Variants in RFFL observed in about 807,000 individuals in gnomAD.
The protein encoded by RFFL is E3 ubiquitin-protein ligase rififylin.
RFFL carries 16 observed loss-of-function variants against 40.4 expected under a neutral mutation model. That is an observed-to-expected ratio of 0.40 (90% CI 0.27 to 0.60). RFFL has a LOEUF of 0.60. Ranked by LOEUF, RFFL falls within the 20% of genes least tolerant of loss-of-function variation. RFFL has a pLI of 0.47. For synonymous variants in RFFL, 154 were observed against 167.9 expected (o/e 0.92, Z 0.64); for missense variants, 367 against 451.7 (o/e 0.81, Z 1.70).
intron 1 of RFFL, among the ~76,000 whole-genome samples, chr17:35,056,770 G>A (rs558295726): frequency 1.3e-5 from 2 of 152,302 alleles, no homozygotes; most frequent in South Asian, 4.1e-4. Context: ...CAAGAAGGGA[G>A]ACAAACACTT....
At chr17:35,087,215 G>T (rs2091435263) in intron 1 of RFFL, among the ~76,000 whole-genome samples, 1 of 152,062 alleles carries the variant, frequency 6.6e-6, no homozygotes, top group Admixed American at 6.6e-5. Context: ...GCTGGGTGTG[G>T]TTGCACATGC....
intron 1 of RFFL, among the ~76,000 whole-genome samples, chr17:35,084,503 C>T (rs368683576): frequency 2.1e-4 from 32 of 151,930 alleles, no homozygotes; most frequent in African/African-American, 7.7e-4. Flanking sequence ...CTGAGGCAGG[C>T]ACATCACTTG....
At chr17:35,028,042 AAAG>A (rs2091055268) in intron 1 of RFFL, among the ~76,000 whole-genome samples, 1 of 151,182 alleles carries the variant, frequency 6.6e-6, no homozygotes, top group African/African-American at 2.4e-5. Flanking sequence ...TCAAAAAAAA[AAAG>A]AAGCGTTGGC....
At chr17:35,029,426 C>T (rs1343404530) in intron 1 of RFFL, among the ~76,000 whole-genome samples, 2 of 150,358 alleles carry the variant, frequency 1.3e-5, no homozygotes, top group Admixed American at 1.3e-4. Context: ...TCACTGAAAC[C>T]GCCGCCTCCC....
chr17:35,030,476 T>C (rs889473665), intron 1 of RFFL, among the ~76,000 whole-genome samples: 36 of 152,202 alleles, frequency 2.4e-4, no homozygotes, highest in African/African-American at 8.4e-4. Context: ...GTGTTTTTTG[T>C]ATTTTTAGTA....
chr17:35,071,397 C>G (rs2091350079), intron 1 of RFFL, among the ~76,000 whole-genome samples: 1 of 151,300 alleles, frequency 6.6e-6, no homozygotes, highest in African/African-American at 2.4e-5. Flanking sequence ...GTGGGCAGAT[C>G]ACTTGAGGTC....
chr17:35,060,805 A>ACTCT (rs889464319), intron 1 of RFFL, among the ~76,000 whole-genome samples: 1 of 152,122 alleles, frequency 6.6e-6, no homozygotes, highest in Non-Finnish European at 1.5e-5. Context: ...CACGTCAGCC[A>ACTCT]CTCTCTCTGA....
intron 3 of RFFL, among the ~76,000 whole-genome samples, chr17:35,019,545 TG>T (rs1311438078): frequency 6.6e-6 from 1 of 151,612 alleles, no homozygotes; most frequent in Admixed American, 6.6e-5. Flanking sequence ...AGCTAATTTT[TG>T]TATTTTTTGT....
At chr17:35,029,762 A>G (rs568268485) in intron 1 of RFFL, among the ~76,000 whole-genome samples, 30 of 151,532 alleles carry the variant, frequency 2.0e-4, no homozygotes, top group African/African-American at 6.8e-4. Context: ...ACATATGTAT[A>G]TATGTGCCAT....
intron 1 of RFFL, among the ~76,000 whole-genome samples, chr17:35,044,396 G>A (rs1309307781): frequency 6.6e-6 from 1 of 152,156 alleles, no homozygotes; most frequent in Non-Finnish European, 1.5e-5. Context: ...TTTAATAAGT[G>A]TTGTCAGCCA....
intron 2 of RFFL, among the ~76,000 whole-genome samples, chr17:35,022,139 G>T (rs1274730610): frequency 1.3e-5 from 2 of 152,142 alleles, no homozygotes; most frequent in Non-Finnish European, 2.9e-5. Context: ...CTTATTTCTT[G>T]CAGTATCACC....
At chr17:35,051,074 C>G (rs1046061023) in intron 1 of RFFL, among the ~76,000 whole-genome samples, 1 of 152,226 alleles carries the variant, frequency 6.6e-6, no homozygotes, top group Non-Finnish European at 1.5e-5. Context: ...AATCCCATAT[C>G]TACCAAAAGT....
intron 1 of RFFL, among the ~76,000 whole-genome samples, chr17:35,088,136 A>G (rs1369501142): frequency 6.6e-6 from 1 of 152,218 alleles, no homozygotes; most frequent in African/African-American, 2.4e-5. Context: ...TCAAAGGGAT[A>G]CATAAGGAAC....
chr17:35,042,599 A>C (rs576979580), intron 1 of RFFL, among the ~76,000 whole-genome samples: 53 of 152,226 alleles, frequency 3.5e-4, no homozygotes, highest in Non-Finnish European at 4.3e-4. Context: ...AGGCAGGCGG[A>C]TCACCTGAGC....
intron 1 of RFFL, among the ~76,000 whole-genome samples, chr17:35,080,945 T>C (rs991744349): frequency 1.3e-5 from 2 of 152,248 alleles, no homozygotes; most frequent in African/African-American, 4.8e-5. Flanking sequence ...AACTGTAGCA[T>C]TGCAGAGCGG....
intron 1 of RFFL, among the ~76,000 whole-genome samples, chr17:35,030,624 T>G (rs1022272670): frequency 1.3e-5 from 2 of 151,490 alleles, no homozygotes; most frequent in Non-Finnish European, 2.9e-5. Context: ...TAGTAGAGAC[T>G]GGGTTTTGTC....
chr17:35,084,989 T>C (rs1442602432), intron 1 of RFFL, among the ~76,000 whole-genome samples: 2 of 152,104 alleles, frequency 1.3e-5, no homozygotes, highest in Non-Finnish European at 2.9e-5. Context: ...TATGGCCTCA[T>C]AGTAGTAATA....
intron 1 of RFFL, among the ~76,000 whole-genome samples, chr17:35,068,907 A>T (rs2091333482): frequency 6.6e-6 from 1 of 152,172 alleles, no homozygotes; most frequent in Non-Finnish European, 1.5e-5. Context: ...TTTGATGGGT[A>T]TAATTTTCTA....
intron 1 of RFFL, among the ~76,000 whole-genome samples, chr17:35,078,265 G>A (rs193254821): frequency 3.9e-5 from 6 of 151,988 alleles, no homozygotes; most frequent in African/African-American, 9.7e-5. Context: ...AAAAGGTCAC[G>A]ATTTGTATGT....
Sources: allele counts gnomAD v4.1 joint callset (sites outside exome capture counted in the v4.1 genomes callset), GRCh38; gene constraint gnomAD v4.1.1; transcripts MANE v1.5; gene names NCBI Gene and HGNC (gene_info 2026-07-23, HGNC 2026-07-21).